Variants in TAFA1 observed in about 807,000 individuals in gnomAD.
TAFA1 encodes chemokine-like protein TAFA-1.
Under a neutral mutation model 18.5 loss-of-function variants are expected in TAFA1, and 4 were observed. That is an observed-to-expected ratio of 0.22 (90% CI 0.11 to 0.49). The LOEUF is 0.49. TAFA1 is among the 20% of genes least tolerant of loss of function. The pLI is 0.98. For synonymous variants in TAFA1, 56 were observed against 55.2 expected (o/e 1.01, Z -0.06); for missense variants, 147 against 169.0 (o/e 0.87, Z 0.72).
At chr3:68,126,978 T>G (rs756912077) in intron 2 of TAFA1, among the ~76,000 whole-genome samples, 16 of 152,242 alleles carry the variant, frequency 1.1e-4, no homozygotes, top group Non-Finnish European at 2.2e-4. Flanking sequence ...CAGAATCTGA[T>G]GAACTCAAGG....
intron 2 of TAFA1, among the ~76,000 whole-genome samples, chr3:68,267,357 A>G (rs900817490): frequency 4.6e-5 from 7 of 152,204 alleles, no homozygotes; most frequent in African/African-American, 1.7e-4. Context: ...CTTAGGTTCC[A>G]TGGTTGTCAC....
intron 2 of TAFA1, among the ~76,000 whole-genome samples, chr3:68,238,539 T>C (rs1030271258): frequency 6.6e-6 from 1 of 152,192 alleles, no homozygotes; most frequent in Non-Finnish European, 1.5e-5. Flanking sequence ...GTCAGCTAAT[T>C]TTGAAAATTT....
intron 2 of TAFA1, among the ~76,000 whole-genome samples, chr3:68,282,808 T>C (rs1390401768): frequency 1.3e-5 from 2 of 152,190 alleles, no homozygotes; most frequent in Non-Finnish European, 2.9e-5. Context: ...TGAGATGATC[T>C]GAAGTATATC....
intron 2 of TAFA1, among the ~76,000 whole-genome samples, chr3:68,094,978 T>C (rs1294664746): frequency 6.6e-6 from 1 of 152,150 alleles, no homozygotes. Context: ...CTGTTGGTAG[T>C]TCCAGAGAAT....
chr3:68,486,232 T>A (rs999525543), intron 3 of TAFA1, among the ~76,000 whole-genome samples: 1 of 151,954 alleles, frequency 6.6e-6, no homozygotes, highest in African/African-American at 2.4e-5. Context: ...AGTGCTGAGA[T>A]TACAGATGTG....
At chr3:68,343,325 T>A (rs1355872650) in intron 2 of TAFA1, among the ~76,000 whole-genome samples, 2 of 152,172 alleles carry the variant, frequency 1.3e-5, no homozygotes, top group East Asian at 3.8e-4. Flanking sequence ...GAGTCAGAAT[T>A]TCTGGGGATA....
At chr3:68,433,190 G>A (rs2071211117) in intron 3 of TAFA1, among the ~76,000 whole-genome samples, 1 of 151,992 alleles carries the variant, frequency 6.6e-6, no homozygotes, top group Admixed American at 6.6e-5. Context: ...CTTTATTCAA[G>A]CCAGCCTCTT....
chr3:68,055,934 G>A (rs562567040), intron 2 of TAFA1, among the ~76,000 whole-genome samples: 5 of 152,100 alleles, frequency 3.3e-5, no homozygotes, highest in South Asian at 2.1e-4. Context: ...AAATGATGCC[G>A]GAGAGGCCTC....
At chr3:68,237,621 A>G (rs2066944262) in intron 2 of TAFA1, among the ~76,000 whole-genome samples, 1 of 152,154 alleles carries the variant, frequency 6.6e-6, no homozygotes, top group Non-Finnish European at 1.5e-5. Context: ...TCTCAAAGTA[A>G]CCAATGTATA....
chr3:68,506,186 A>C (rs1390228088), intron 3 of TAFA1, among the ~76,000 whole-genome samples: 1 of 152,102 alleles, frequency 6.6e-6, no homozygotes, highest in African/African-American at 2.4e-5. Flanking sequence ...GATAGTTTCC[A>C]GCTTCATCCA....
chr3:68,243,770 A>C (rs1417893191), intron 2 of TAFA1, among the ~76,000 whole-genome samples: 1 of 152,172 alleles, frequency 6.6e-6, no homozygotes, highest in Non-Finnish European at 1.5e-5. Flanking sequence ...TTCTGAGGAA[A>C]GTAAATTTTA....
intron 3 of TAFA1, among the ~76,000 whole-genome samples, chr3:68,487,707 G>A (rs932802330): frequency 6.1e-5 from 9 of 147,790 alleles, no homozygotes; most frequent in Non-Finnish European, 1.2e-4. Flanking sequence ...AGCCGAGATC[G>A]CGCCACTGCA....
chr3:68,219,664 A>G (rs753912341), intron 2 of TAFA1, among the ~76,000 whole-genome samples: 2 of 151,998 alleles, frequency 1.3e-5, no homozygotes, highest in Non-Finnish European at 2.9e-5. Flanking sequence ...CCTTTTAAAC[A>G]TTTCACCTGA....
chr3:68,413,799 GGA>G (rs2070762486), intron 2 of TAFA1, among the ~76,000 whole-genome samples: 1 of 152,076 alleles, frequency 6.6e-6, no homozygotes, highest in Admixed American at 6.6e-5. Flanking sequence ...CTTGCTAAGG[GGA>G]GTATGATTTA....
At chr3:68,468,281 A>C (rs1291717930) in intron 3 of TAFA1, among the ~76,000 whole-genome samples, 2 of 152,202 alleles carry the variant, frequency 1.3e-5, no homozygotes, top group Non-Finnish European at 2.9e-5. Context: ...AAAAAATGTT[A>C]ATTGATGGTA....
At chr3:68,422,953 G>A (rs982650222) in intron 3 of TAFA1, among the ~76,000 whole-genome samples, 3 of 151,568 alleles carry the variant, frequency 2.0e-5, no homozygotes, top group African/African-American at 4.8e-5. Flanking sequence ...AGTTCTTCTC[G>A]GGGACTAAAA....
intron 2 of TAFA1, among the ~76,000 whole-genome samples, chr3:68,378,603 C>T (rs113707645): frequency 0.03 from 4,545 of 152,218 alleles, 95 homozygotes; most frequent in East Asian, 0.092. Flanking sequence ...GAAGGCATGA[C>T]TGGTTTTCAA....
At chr3:68,214,086 A>C (rs2066626836) in intron 2 of TAFA1, among the ~76,000 whole-genome samples, 1 of 152,094 alleles carries the variant, frequency 6.6e-6, no homozygotes, top group Non-Finnish European at 1.5e-5. Context: ...TGAGTACCCT[A>C]GTAAAACACA....
intron 2 of TAFA1, among the ~76,000 whole-genome samples, chr3:68,180,596 G>A (rs1230806842): frequency 6.6e-6 from 1 of 152,184 alleles, no homozygotes; most frequent in Non-Finnish European, 1.5e-5. Flanking sequence ...GAGGTGAGTA[G>A]TGTCTGCCCC....
Sources: gnomAD v4.1 joint callset for allele counts (sites outside exome capture counted in the v4.1 genomes callset) on GRCh38, gnomAD v4.1.1 for gene constraint, MANE v1.5 for transcripts, NCBI Gene and HGNC (gene_info 2026-07-23, HGNC 2026-07-21) for gene names.